Variants in WWOX observed in about 807,000 individuals in gnomAD.
WWOX encodes the protein WW domain containing oxidoreductase, also known as WW domain-containing oxidoreductase.
WWOX carries 69 observed loss-of-function variants against 46.2 expected under a neutral mutation model. The observed-to-expected ratio is 1.49, with a 90% CI of 1.23 to 1.82. The LOEUF is 1.82. Among genes scored for constraint, WWOX ranks in the 40% most tolerant of loss-of-function variants. The pLI is 0.00. For missense variants in WWOX, 919 were observed against 542.6 expected, an observed-to-expected ratio of 1.69 and a Z score of -6.89; for synonymous variants, 359 against 202.6, an observed-to-expected ratio of 1.77 and a Z score of -6.56.
At chr16:78,510,250 A>G (rs1275337560) in intron 8 of WWOX, among the ~76,000 whole-genome samples, 1 of 151,948 alleles carries the variant, frequency 6.6e-6, no homozygotes, top group Non-Finnish European at 1.5e-5. Flanking sequence ...TGCTCTGTTG[A>G]CCATGCTAGA....
At chr16:78,747,959 GCTT>G (rs1264669583) in intron 8 of WWOX, among the ~76,000 whole-genome samples, 6 of 152,174 alleles carry the variant, frequency 3.9e-5, no homozygotes, top group African/African-American at 1.2e-4. Flanking sequence ...AAATAACCAT[GCTT>G]CTTAGTGGTC....
chr16:78,513,081 T>G lies in WWOX; in HGVS notation c.1056+80329T>G, dbSNP rs543522131. On this transcript the variant is annotated intron_variant, in intron 8 of 8. Transcript: ENST00000566780. Reference sequence around the variant, plus strand: ...AGTTAAGTAGTAAACGTAATGAACATGTGCCTTTGGAGATTCCAACTGGTT... The same window carrying G: ...AGTTAAGTAGTAAACGTAATGAACAGGTGCCTTTGGAGATTCCAACTGGTT... 2.6e-5 allele frequency among the ~76,000 whole-genome samples: 4 copies of G among 152,358 alleles called. No individual in the cohort carries two copies. In the South Asian group the frequency reaches 8.3e-4, roughly 32 times the overall value.
intron 8 of WWOX, among the ~76,000 whole-genome samples, chr16:78,914,255 T>C (rs1213873638): frequency 1.3e-5 from 2 of 152,112 alleles, no homozygotes; most frequent in African/African-American, 4.8e-5. Flanking sequence ...CATTCATTGC[T>C]AATTTATTAG....
intron 8 of WWOX, among the ~76,000 whole-genome samples, chr16:78,508,775 T>C (rs909912837): frequency 3.3e-5 from 5 of 152,172 alleles, no homozygotes; most frequent in Non-Finnish European, 5.9e-5. Context: ...CTGCAGCCGA[T>C]GTCTCTCCAC....
intron 8 of WWOX, among the ~76,000 whole-genome samples, chr16:78,910,619 A>C (rs964661710): frequency 6.6e-6 from 1 of 151,994 alleles, no homozygotes; most frequent in East Asian, 1.9e-4. Flanking sequence ...TGGACTCACA[A>C]TTCCACATGG....
Position 78,970,887 on chromosome 16 carries a change from C to T in WWOX, c.1057-240721C>T, listed in dbSNP as rs200899899. Among the ~76,000 whole-genome samples the T allele has an allele frequency of 5.9e-5, 9 of 151,976 alleles. No individual in the cohort carries two copies. In the East Asian group the frequency reaches 1.6e-3, roughly 26 times the overall value. ...GGATCCAGGGGCTCAAAAATATAAT[C>T]AGATGATTTGTTTGCTTCTGTCTTT... On this transcript the variant is annotated intron_variant, in intron 8 of 8. Coordinates refer to ENST00000566780, the MANE Select transcript of WWOX (RefSeq NM_016373.4).
intron 8 of WWOX, among the ~76,000 whole-genome samples, chr16:78,446,388 G>C (rs577534931): frequency 3.9e-5 from 6 of 152,216 alleles, no homozygotes; most frequent in African/African-American, 1.4e-4. Flanking sequence ...GTCCTTGTCT[G>C]CCTTTGCTTT....
At chr16:78,883,287 G>A (rs191731806) in intron 8 of WWOX, among the ~76,000 whole-genome samples, 2,451 of 144,028 alleles carry the variant, frequency 0.017, 65 homozygotes, top group African/African-American at 0.062. Flanking sequence ...CATCAGTAAC[G>A]CAGTAACGTA....
chr16:78,852,295 C>T (rs2052463261), intron 8 of WWOX, among the ~76,000 whole-genome samples: 1 of 152,140 alleles, frequency 6.6e-6, no homozygotes, highest in Non-Finnish European at 1.5e-5. Flanking sequence ...GTGTAACCTA[C>T]AGGGGGAAGT....
At chr16:78,272,820 T>A (rs1449961954) in intron 5 of WWOX, among the ~76,000 whole-genome samples, 6 of 152,090 alleles carry the variant, frequency 3.9e-5, no homozygotes, top group Non-Finnish European at 5.9e-5. Flanking sequence ...GCCATTTGCT[T>A]AAAATCAGAA....
intron 8 of WWOX, among the ~76,000 whole-genome samples, chr16:78,664,970 T>C (rs1418432089): frequency 6.6e-6 from 1 of 152,162 alleles, no homozygotes; most frequent in Non-Finnish European, 1.5e-5. Context: ...ACAATGAACT[T>C]GGGAAGGTTT....
At chr16:78,725,941 T>G (rs377080313) in intron 8 of WWOX, among the ~76,000 whole-genome samples, 1 of 151,894 alleles carries the variant, frequency 6.6e-6, no homozygotes. Flanking sequence ...TCCTTTTCTT[T>G]CCTCTTCCCT....
intron 8 of WWOX, among the ~76,000 whole-genome samples, chr16:78,608,691 A>T (rs1382823074): frequency 1.3e-5 from 2 of 152,190 alleles, no homozygotes; most frequent in Non-Finnish European, 2.9e-5. Context: ...GGGAACAGGC[A>T]TTACTGACAT....
At chr16:79,132,482 G>A (rs1386001082) in intron 8 of WWOX, among the ~76,000 whole-genome samples, 2 of 152,162 alleles carry the variant, frequency 1.3e-5, no homozygotes, top group African/African-American at 4.8e-5. Flanking sequence ...ATTTGGGAGA[G>A]TTACTTGCCA....
intron 8 of WWOX, among the ~76,000 whole-genome samples, chr16:78,920,789 C>T (rs932911847): frequency 1.3e-5 from 2 of 152,152 alleles, no homozygotes; most frequent in Non-Finnish European, 2.9e-5. Flanking sequence ...TTACGCTGAG[C>T]ATGAAAATAA....
intron 8 of WWOX, among the ~76,000 whole-genome samples, chr16:78,609,980 A>G (rs2045860825): frequency 1.9e-5 from 2 of 106,852 alleles, no homozygotes; most frequent in African/African-American, 7.7e-5. Flanking sequence ...ACCCCCCTTT[A>G]AGTAACAGTG....
intron 8 of WWOX, among the ~76,000 whole-genome samples, chr16:78,636,548 C>T (rs368015547): frequency 5.9e-5 from 9 of 152,134 alleles, no homozygotes; most frequent in Non-Finnish European, 1.0e-4. Flanking sequence ...CCTCCCCATC[C>T]GCCATTCTCA....
chr16:78,162,517 C>CACAT (rs1045168126), intron 4 of WWOX, among the ~76,000 whole-genome samples: 2 of 151,580 alleles, frequency 1.3e-5, no homozygotes, highest in South Asian at 2.1e-4. Context: ...GTAGCTTGCA[C>CACAT]ATATATATAT....
intron 5 of WWOX, among the ~76,000 whole-genome samples, chr16:78,231,024 G>A (rs374482520): frequency 1.3e-5 from 2 of 152,210 alleles, no homozygotes; most frequent in South Asian, 2.1e-4. Context: ...GGTGTTTCTG[G>A]ATTTTATTGG....
Sources: gnomAD v4.1 joint callset for allele counts (sites outside exome capture counted in the v4.1 genomes callset) on GRCh38, gnomAD v4.1.1 for gene constraint, MANE v1.5 for transcripts, NCBI Gene and HGNC (gene_info 2026-07-23, HGNC 2026-07-21) for gene names.